The following POGLUT1 variants were observed in gnomAD, a reference collection of about 807,000 sequenced individuals.
POGLUT1 encodes the protein protein O-glucosyltransferase 1.
In POGLUT1, 32 loss-of-function variants were observed where a neutral mutation model predicts 61.3. That is an observed-to-expected ratio of 0.52 (90% CI 0.39 to 0.70). The LOEUF (loss-of-function observed/expected upper bound fraction) is 0.70. POGLUT1 is among the 30% of genes least tolerant of loss of function. POGLUT1 has a pLI of 0.00. For missense variants in POGLUT1, 411 were observed against 469.8 expected (o/e 0.87, Z 1.16); for synonymous variants, 158 against 158.2 (o/e 1.00, Z 0.01).
intron 4 of POGLUT1, among the ~76,000 whole-genome samples, chr3:119,479,698 T>C (rs1271971243): frequency 1.3e-5 from 2 of 152,188 alleles, no homozygotes; most frequent in South Asian, 4.1e-4. Flanking sequence ...AACTCTTAAA[T>C]GTAATAGTTA....
Position 119,471,232 on chromosome 3 carries a change from T to C in POGLUT1, c.177-77T>C, listed in dbSNP as rs2081467961. ...TTACTGTGTTCTCTAATACGAAACC[T>C]AAATGCACTTAGGAAGTAGGTGGAA... On this transcript the variant is annotated intron_variant, in intron 2 of 10. Coordinates refer to ENST00000295588, the MANE Select transcript of POGLUT1 (RefSeq NM_152305.3). 4.4e-6 allele frequency: 6 copies of C among 1,368,924 alleles called. 1 individual carries two copies. In the South Asian group the frequency reaches 7.2e-5, roughly 16 times the overall value. The allele number at this position is 1,368,924 out of a possible 1,614,324, so 84.8% of individuals were successfully genotyped here. A position where few individuals can be genotyped will look rare whatever the true frequency, so the allele number is the denominator to read the frequency against.
chr3:119,472,350 G>A (rs145747816), intron 3 of POGLUT1, among the ~76,000 whole-genome samples: 7 of 152,142 alleles, frequency 4.6e-5, no homozygotes, highest in South Asian at 2.1e-4. Flanking sequence ...AAAAATTATC[G>A]ATTCGTTCAT....
At chr3:119,485,216 C>CAA (rs11382133) in intron 5 of POGLUT1, 112 bp from the exon 6 acceptor site, 3,000 of 584,466 alleles carry the variant, frequency 5.1e-3, no homozygotes, top group South Asian at 9.4e-3. Flanking sequence ...GACTCCGTCT[C>CAA]AAAAAAAAAA....
chr3:119,478,146 G>A (rs2081561653), intron 4 of POGLUT1: 1 of 343,522 alleles, frequency 2.9e-6, no homozygotes, highest in Non-Finnish European at 5.7e-6. Flanking sequence ...CTAGAGACAA[G>A]GAAAGCATTT....
At chr3:119,481,003 G>A (rs1026198157) in intron 5 of POGLUT1, among the ~76,000 whole-genome samples, 5 of 152,008 alleles carry the variant, frequency 3.3e-5, no homozygotes, top group Non-Finnish European at 5.9e-5. Context: ...GCCTCCCAAA[G>A]TGCTGGGATT....
In POGLUT1 at chr3:119,491,571, A is replaced by G; in HGVS notation, c.1019A>G (p.Glu340Gly). 1 of 1,542,848 alleles carries G rather than the reference A, an allele frequency of 6.5e-7. No individual in the cohort carries two copies. The highest frequency in any genetic ancestry group is 8.9e-7 in the Non-Finnish European group (1 of 1,126,610). Residue 340 changes from glutamate (E) to glycine (G), a missense_variant, in exon 10 of 11, where the codon GAA becomes GGA. By Grantham distance (98) the Glu-to-Gly change is moderately conservative. Transcript: ENST00000295588. ...GATGATGTAGCTCAAGAGATTGCTGAAAGGTGAGTTCTGTTCATTTTCCCT... is the reference window on the plus strand; with the variant it reads ...GATGATGTAGCTCAAGAGATTGCTGGAAGGTGAGTTCTGTTCATTTTCCCT... ...ANDDVAQEIA[E>G]RGSQFIRNHL...
intron 6 of POGLUT1, among the ~76,000 whole-genome samples, chr3:119,486,505 T>C (rs2081665680): frequency 6.6e-6 from 1 of 152,052 alleles, no homozygotes; most frequent in African/African-American, 2.4e-5. Flanking sequence ...TGAGCACCAG[T>C]GATTATAGAA....
chr3:119,485,316 C>T lies in POGLUT1; in HGVS notation c.579-12C>T. ...AAGATATATTGAAACTAATTAAATTCTATATTCTTAGGTCAGCAGCACAGT... is the reference window on the plus strand; with the variant it reads ...AAGATATATTGAAACTAATTAAATTTTATATTCTTAGGTCAGCAGCACAGT... On this transcript the variant is annotated splice_polypyrimidine_tract_variant and intron_variant, in intron 5 of 10. Coordinates refer to ENST00000295588, the MANE Select transcript of POGLUT1 (RefSeq NM_152305.3). The T allele has an allele frequency of 6.5e-7, 1 of 1,545,834 alleles. No homozygotes were observed. The highest frequency in any genetic ancestry group is 1.7e-4 in the Middle Eastern group (1 of 5,860).
At position 119,486,885 on chromosome 3, in the gene POGLUT1, CTTG is replaced by C. The variant is rs759242047; in HGVS notation, c.695_697del (p.Val232del). The C allele has an allele frequency of 6.2e-7, 1 of 1,613,770 alleles. No individual in the cohort carries two copies. The highest frequency in any genetic ancestry group is 2.2e-5 in the East Asian group (1 of 44,894). On this transcript the variant is annotated inframe_deletion, in exon 7 of 11. Transcript: ENST00000295588. ...TCTTCTGTCTCGGAAAAACCCAAAA[CTTG>C]TTGATGCAGAATACACCAAAAACCA...
intron 2 of POGLUT1, 101 bp from the exon 3 acceptor site, chr3:119,471,204 CACTT>C (rs2081467574): frequency 1.0e-6 from 1 of 961,966 alleles, no homozygotes; most frequent in Non-Finnish European, 1.6e-6. Flanking sequence ...TCTTTCCTTC[CACTT>C]ACTGTGTTCT....
chr3:119,484,970 A>G (rs1177640075), intron 5 of POGLUT1, among the ~76,000 whole-genome samples: 1 of 152,198 alleles, frequency 6.6e-6, no homozygotes, highest in Admixed American at 6.5e-5. Context: ...TAATCCCAGC[A>G]CTTTGGGAGG....
chr3:119,478,486 G>A (rs1196474190), intron 4 of POGLUT1: 5 of 449,020 alleles, frequency 1.1e-5, no homozygotes, highest in East Asian at 1.4e-4. Flanking sequence ...TAAGTCAGTA[G>A]GGACTTCGTG....
Position 119,494,284 on chromosome 3 carries a change from T to TTGGG in POGLUT1, c.*1854_*1857dup, listed in dbSNP as rs1183538620. On this transcript the variant is annotated 3_prime_UTR_variant, in exon 11 of 11. Transcript: ENST00000295588. The stretch of plus-strand genomic sequence containing the variant: ...GCACAGTGCCTCACACAAAGAACTA[T>TTGGG]TGGGTGGGTGGATGGATGGATGGAG... 6.6e-6 allele frequency: 1 copy of TTGGG among 152,252 alleles called. No individual in the cohort carries two copies. The allele number at this position is 152,252 out of a possible 1,614,324, so 9.4% of individuals were successfully genotyped here. A position where few individuals can be genotyped will look rare whatever the true frequency, so the allele number is the denominator to read the frequency against.
At chr3:119,471,484 A>T (rs761984772) in intron 3 of POGLUT1, 32 bp downstream of exon 3, 1 of 1,601,562 alleles carries the variant, frequency 6.2e-7, no homozygotes, top group African/African-American at 1.3e-5. Context: ...ATATCTTCTG[A>T]CTTTATTACA....
At chr3:119,478,311 A>T (rs1487995971) in intron 4 of POGLUT1, 1 of 453,986 alleles carries the variant, frequency 2.2e-6, no homozygotes, top group South Asian at 1.6e-5. Context: ...CTTTTTCTTT[A>T]TCATAGTTTA....
At chr3:119,490,803 T>C (rs1358104623) in intron 9 of POGLUT1, 85 bp downstream of exon 9, 5 of 1,204,538 alleles carry the variant, frequency 4.2e-6, no homozygotes, top group Non-Finnish European at 5.9e-6. Context: ...AAACCAGTCA[T>C]GTAAGACATT....
intron 3 of POGLUT1, among the ~76,000 whole-genome samples, chr3:119,473,128 G>A (rs57506457): frequency 0.16 from 23,858 of 152,146 alleles, 2,461 homozygotes; most frequent in East Asian, 0.27. Flanking sequence ...ATCAGATATC[G>A]GAGGAAATAA....
At chr3:119,489,046 A>G in intron 8 of POGLUT1, 59 bp downstream of exon 8, 1 of 941,930 alleles carries the variant, frequency 1.1e-6, no homozygotes, top group Non-Finnish European at 1.7e-6. Flanking sequence ...AAATAGCTTC[A>G]CTTTGGGTGA....
At chr3:119,477,580 G>A (rs1021029361) in intron 4 of POGLUT1, 132 bp downstream of exon 4, 1 of 785,986 alleles carries the variant, frequency 1.3e-6, no homozygotes, top group Admixed American at 2.4e-5. Flanking sequence ...ATGGGTCTGT[G>A]TCTCTATTAG....
Sources: gnomAD v4.1 joint callset for allele counts (sites outside exome capture counted in the v4.1 genomes callset) on GRCh38, gnomAD v4.1.1 for gene constraint, MANE v1.5 for transcripts, NCBI Gene and HGNC (gene_info 2026-07-23, HGNC 2026-07-21) for gene names.